FAM24B: variants seen among roughly 807,000 people sequenced by gnomAD.
FAM24B encodes family with sequence similarity 24 member B.
Under a neutral mutation model 2.3 loss-of-function variants are expected in FAM24B, and 3 were observed. That is an observed-to-expected ratio of 1.29 (90% confidence interval 0.59 to 3.32). The LOEUF (loss-of-function observed/expected upper bound fraction) is 3.32. Ranked by LOEUF, FAM24B falls within the 30% of genes most tolerant of loss-of-function variation. The pLI is 0.03. For synonymous variants in FAM24B, 36 were observed against 46.3 expected (o/e 0.78, Z 0.90); for missense variants, 98 against 117.2 (o/e 0.84, Z 0.76).
rs147407478 is a variant in FAM24B, at chr10:122,875,860, G to A, written c.-178+3625C>T. Among the ~76,000 whole-genome samples, 1,167 of 152,228 alleles carry A rather than the reference G, an allele frequency of 7.7e-3. 71 individuals are homozygous for A. Among genetic ancestry groups the A allele is most frequent in the Admixed American group, 0.07 (1,075 of 15,280 alleles). The stretch of plus-strand genomic sequence containing the variant: ...AGAGGCAAAATGGCAGAGTTTAACT[G>A]GTATATGACCTTCTAAGAACATTTG... On this transcript the variant is annotated intron_variant, in intron 1 of 3. Transcript: ENST00000368898.
chr10:122,860,409 A>C (rs1180546229), intron 1 of FAM24B, among the ~76,000 whole-genome samples: 2 of 152,232 alleles, frequency 1.3e-5, no homozygotes, highest in African/African-American at 2.4e-5. Flanking sequence ...CAGTTTATCC[A>C]TTCATACATT....
intron 2 of FAM24B, 103 bp from the exon 3 acceptor site, chr10:122,850,653 A>G: frequency 1.5e-6 from 1 of 687,532 alleles, no homozygotes. Context: ...AACCCCAAAC[A>G]CAGATCCTTA....
At chr10:122,867,536 C>A (rs1362015677) in intron 1 of FAM24B, among the ~76,000 whole-genome samples, 1 of 152,216 alleles carries the variant, frequency 6.6e-6, no homozygotes, top group African/African-American at 2.4e-5. Context: ...CTGGGAGGCA[C>A]CCCCTAGTAG....
intron 1 of FAM24B, among the ~76,000 whole-genome samples, chr10:122,860,735 G>T (rs1353942734): frequency 6.6e-6 from 1 of 152,120 alleles, no homozygotes; most frequent in East Asian, 1.9e-4. Context: ...CATCTGAAGT[G>T]GTATCTGGCT....
chr10:122,849,879 C>G (rs1310827136), intron 3 of FAM24B, among the ~76,000 whole-genome samples: 1 of 152,220 alleles, frequency 6.6e-6, no homozygotes, highest in East Asian at 1.9e-4. Context: ...CCCTTGTCCA[C>G]TGTTCCCCAG....
intron 1 of FAM24B, among the ~76,000 whole-genome samples, chr10:122,873,997 A>G (rs967820514): frequency 1.3e-5 from 2 of 152,208 alleles, no homozygotes; most frequent in African/African-American, 4.8e-5. Flanking sequence ...TATAATTTCT[A>G]TTCTTTTACA....
chr10:122,849,509 G>C, intron 3 of FAM24B, 70 bp from the exon 4 acceptor site: 2 of 1,390,920 alleles, frequency 1.4e-6, no homozygotes, highest in Non-Finnish European at 2.0e-6. Flanking sequence ...AGAACTGTTG[G>C]GGGGTATCTG....
chr10:122,850,589 G>C, intron 2 of FAM24B, 39 bp from the exon 3 acceptor site: 1 of 1,034,084 alleles, frequency 9.7e-7, no homozygotes, highest in Non-Finnish European at 1.5e-6. Flanking sequence ...AGCCCACGTG[G>C]TCTCCCTCCC....
At chr10:122,878,034 T>C (rs752609735) in intron 1 of FAM24B, among the ~76,000 whole-genome samples, 4 of 152,192 alleles carry the variant, frequency 2.6e-5, no homozygotes, top group Non-Finnish European at 5.9e-5. Flanking sequence ...AGAATTATAG[T>C]ATCTAAAAAC....
At chr10:122,871,254 G>A (rs1238235451) in intron 1 of FAM24B, among the ~76,000 whole-genome samples, 1 of 151,888 alleles carries the variant, frequency 6.6e-6, no homozygotes, top group African/African-American at 2.4e-5. Context: ...TCTTCAAGGA[G>A]AACTACAAAC....
chr10:122,853,640 G>C (rs138107079), intron 2 of FAM24B, among the ~76,000 whole-genome samples: 32 of 152,164 alleles, frequency 2.1e-4, no homozygotes, highest in African/African-American at 7.7e-4. Context: ...TGTAATCCCA[G>C]CACTTTGGAA....
At chr10:122,879,602 C>A (rs1420935710), upstream of FAM24B, 1 of 152,902 alleles carries the variant, frequency 6.5e-6, no homozygotes, top group African/African-American at 2.4e-5. Context: ...TGCGCATGGT[C>A]TCCAAAGGCT....
intron 1 of FAM24B, among the ~76,000 whole-genome samples, chr10:122,863,898 CA>C (rs1847762739): frequency 6.6e-6 from 1 of 152,168 alleles, no homozygotes; most frequent in South Asian, 2.1e-4. Context: ...ACAAATCCTA[CA>C]AAAGGACTTT....
intron 1 of FAM24B, among the ~76,000 whole-genome samples, chr10:122,857,665 C>T (rs1327028989): frequency 6.6e-6 from 1 of 152,174 alleles, no homozygotes; most frequent in Non-Finnish European, 1.5e-5. Context: ...GTATCTGTTT[C>T]CTTGTATTTC....
Position 122,872,875 on chromosome 10 carries a change from A to T in FAM24B, c.-178+6610T>A, listed in dbSNP as rs533339562. On this transcript the variant is annotated intron_variant, in intron 1 of 3. Transcript: ENST00000368898. Reference sequence around the variant, plus strand: ...TGGGTGCAGCACACCAACATGGCACATGTATACGTATGTAACAAACCTGCA... The same window carrying T: ...TGGGTGCAGCACACCAACATGGCACTTGTATACGTATGTAACAAACCTGCA... Among the ~76,000 whole-genome samples the T allele has an allele frequency of 4.4e-3, 675 of 152,300 alleles. 6 individuals are homozygous for T. Among genetic ancestry groups the T allele is most frequent in the Non-Finnish European group, 7.1e-3 (486 of 68,020 alleles).
intron 2 of FAM24B, among the ~76,000 whole-genome samples, chr10:122,851,268 T>TA (rs925388380): frequency 7.3e-5 from 11 of 151,640 alleles, no homozygotes; most frequent in Non-Finnish European, 1.0e-4. Flanking sequence ...AAGCCAACAG[T>TA]AAAAAAAAAT....
intron 2 of FAM24B, chr10:122,855,406 T>C (rs1847621064): frequency 1.3e-5 from 2 of 152,242 alleles, no homozygotes; most frequent in Admixed American, 1.3e-4. Flanking sequence ...TGAATTACCA[T>C]GTTCTACCTT....
At position 122,864,313 on chromosome 10, in the gene FAM24B, C is replaced by T. The variant is rs1847768004; in HGVS notation, c.-177-8527G>A. Reference sequence around the variant, plus strand: ...CTGGAGTTAAAACAATCAGGTATTACATATTTCACTTGCTTTTTTAAAAGT... The same window carrying T: ...CTGGAGTTAAAACAATCAGGTATTATATATTTCACTTGCTTTTTTAAAAGT... On this transcript the variant is annotated intron_variant, in intron 1 of 3. Transcript: ENST00000368898. Among the ~76,000 whole-genome samples, 3 of 152,280 alleles carry T rather than the reference C, an allele frequency of 2.0e-5. No individual in the cohort carries two copies. In the South Asian group the frequency reaches 6.2e-4, roughly 32 times the overall value.
chr10:122,862,583 A>G (rs71486638), intron 1 of FAM24B, among the ~76,000 whole-genome samples: 2,458 of 152,292 alleles, frequency 0.016, 20 homozygotes, highest in Middle Eastern at 0.027. Context: ...TTTTAAGGAA[A>G]AATAAATGAA....
Sources: allele counts gnomAD v4.1 joint callset (sites outside exome capture counted in the v4.1 genomes callset), GRCh38; gene constraint gnomAD v4.1.1; transcripts MANE v1.5; gene names NCBI Gene and HGNC (gene_info 2026-07-23, HGNC 2026-07-21).